Variants in COL26A1 observed in about 807,000 individuals in gnomAD.
COL26A1 encodes the protein collagen type XXVI alpha 1 chain.
A neutral mutation model predicts 59.3 loss-of-function variants in COL26A1; 41 were observed. The ratio of observed to expected loss-of-function variants is 0.69; its 90% CI spans 0.54 to 0.90. The LOEUF is 0.90. Ranked by LOEUF, COL26A1 falls within the 40% of genes least tolerant of loss-of-function variation. The pLI is 0.00. For missense variants in COL26A1, 612 were observed against 602.3 expected (o/e 1.02, Z -0.17); for synonymous variants, 266 against 256.0 (o/e 1.04, Z -0.37).
intron 1 of COL26A1, among the ~76,000 whole-genome samples, chr7:101,402,272 A>G (rs1012820257): frequency 6.6e-6 from 1 of 152,152 alleles, no homozygotes; most frequent in Non-Finnish European, 1.5e-5. Flanking sequence ...CAGCAGTCAC[A>G]TTCCTTAGAT....
intron 10 of COL26A1, among the ~76,000 whole-genome samples, chr7:101,552,889 A>G (rs1177501427): frequency 1.3e-5 from 2 of 152,218 alleles, no homozygotes; most frequent in African/African-American, 4.8e-5. Flanking sequence ...CCTGGGTGAC[A>G]AGAGTGAAAC....
chr7:101,469,701 G>T (rs1025413903), intron 3 of COL26A1, among the ~76,000 whole-genome samples: 7 of 151,984 alleles, frequency 4.6e-5, no homozygotes, highest in African/African-American at 1.7e-4. Context: ...TATTGGCCAG[G>T]TTGGTCTCGA....
chr7:101,412,438 A>G (rs1156287088), intron 1 of COL26A1, among the ~76,000 whole-genome samples: 1 of 152,046 alleles, frequency 6.6e-6, no homozygotes, highest in Non-Finnish European at 1.5e-5. Context: ...TGAGGTCAGG[A>G]GTTTGACACC....
chr7:101,551,237 G>GGGGGGGGGGGGGGGGGGGGGC, intron 10 of COL26A1, 94 bp downstream of exon 10: 6 of 386,366 alleles, frequency 1.6e-5, no homozygotes, highest in Admixed American at 3.5e-5. Context: ...TGGTGGGGGG[G>GGGGGGGGGGGGGGGGGGGGGC]TTCAGCCCTG....
intron 1 of COL26A1, among the ~76,000 whole-genome samples, chr7:101,365,875 A>G (rs1791034473): frequency 6.6e-6 from 1 of 152,084 alleles, no homozygotes; most frequent in African/African-American, 2.4e-5. Context: ...GCAAGAGGTG[A>G]GGACCATGAA....
At chr7:101,451,103 C>A (rs145845237) in intron 3 of COL26A1, among the ~76,000 whole-genome samples, 9 of 101,124 alleles carry the variant, frequency 8.9e-5, no homozygotes, top group Non-Finnish European at 2.0e-4. Context: ...ATATATGATA[C>A]GTATTATATA....
intron 1 of COL26A1, among the ~76,000 whole-genome samples, chr7:101,386,037 C>T (rs950609293): frequency 6.6e-6 from 1 of 152,122 alleles, no homozygotes; most frequent in African/African-American, 2.4e-5. Context: ...GGTTATACCT[C>T]AGAGAAATAG....
At chr7:101,407,486 C>G (rs1792153909) in intron 1 of COL26A1, among the ~76,000 whole-genome samples, 1 of 151,706 alleles carries the variant, frequency 6.6e-6, no homozygotes, top group Non-Finnish European at 1.5e-5. Flanking sequence ...TGACATCAGC[C>G]TCCCCTCCCT....
intron 3 of COL26A1, among the ~76,000 whole-genome samples, chr7:101,463,913 C>CTTTCTTTCTTTTTCTT (rs1554416115): frequency 2.4e-5 from 1 of 41,118 alleles, no homozygotes; most frequent in Non-Finnish European, 7.0e-5. Flanking sequence ...TTTTCTTTCT[C>CTTTCTTTCTTTTTCTT]TCTTTCTTTC....
At chr7:101,446,863 AAGAGAG>A (rs113417824) in intron 2 of COL26A1, among the ~76,000 whole-genome samples, 5,342 of 151,318 alleles carry the variant, frequency 0.035, 140 homozygotes, top group Non-Finnish European at 0.051. Flanking sequence ...AAAAAAAAAA[AAGAGAG>A]AGAGAGAGAA....
chr7:101,408,933 A>G (rs1484947486), intron 1 of COL26A1, among the ~76,000 whole-genome samples: 1 of 152,232 alleles, frequency 6.6e-6, no homozygotes, highest in Non-Finnish European at 1.5e-5. Context: ...TCAAGAAGAC[A>G]GACAGCCACG....
chr7:101,526,836 C>G (rs1002144674), intron 3 of COL26A1, among the ~76,000 whole-genome samples: 1 of 152,164 alleles, frequency 6.6e-6, no homozygotes, highest in Admixed American at 6.5e-5. Context: ...GTGTAAACCC[C>G]CTTTATAGAT....
At chr7:101,457,394 A>G (rs1444448241) in intron 3 of COL26A1, among the ~76,000 whole-genome samples, 1 of 152,244 alleles carries the variant, frequency 6.6e-6, no homozygotes, top group Non-Finnish European at 1.5e-5. Flanking sequence ...ACATTTTAGC[A>G]GAATTCAGGC....
chr7:101,415,921 C>CCATGCCTGGCCAGAAT (rs1470889068), intron 1 of COL26A1, among the ~76,000 whole-genome samples: 1 of 145,716 alleles, frequency 6.9e-6, no homozygotes, highest in African/African-American at 2.4e-5. Context: ...GCGTGAGCCA[C>CCATGCCTGGCCAGAAT]TGCACCCAAC....
intron 3 of COL26A1, among the ~76,000 whole-genome samples, chr7:101,449,353 C>T (rs948585365): frequency 1.3e-5 from 2 of 152,220 alleles, no homozygotes; most frequent in African/African-American, 2.4e-5. Flanking sequence ...TCTGGTCCCC[C>T]CAACGGGATG....
chr7:101,479,123 C>G (rs893922949), intron 3 of COL26A1, among the ~76,000 whole-genome samples: 8 of 152,218 alleles, frequency 5.3e-5, no homozygotes, highest in Non-Finnish European at 1.0e-4. Context: ...AAAATACTTA[C>G]AGTTAATTCT....
chr7:101,551,334 C>A (rs1223868952), intron 10 of COL26A1, among the ~76,000 whole-genome samples, 191 bp downstream of exon 10: 1 of 152,174 alleles, frequency 6.6e-6, no homozygotes, highest in Non-Finnish European at 1.5e-5. Flanking sequence ...GGGAAGCGAC[C>A]TCCAGAGAGT....
intron 4 of COL26A1, 123 bp from the exon 5 acceptor site, chr7:101,539,770 G>A (rs777857974): frequency 4.9e-5 from 48 of 976,958 alleles, no homozygotes; most frequent in Non-Finnish European, 6.4e-5. Context: ...GGAGCGTGAC[G>A]GGGCACACAC....
chr7:101,441,415 G>A (rs550271016), intron 2 of COL26A1, among the ~76,000 whole-genome samples: 1 of 152,254 alleles, frequency 6.6e-6, no homozygotes, highest in Admixed American at 6.5e-5. Flanking sequence ...AGGTTTAAGC[G>A]ATTCTTGTGC....
Sources: allele counts gnomAD v4.1 joint callset (sites outside exome capture counted in the v4.1 genomes callset), GRCh38; gene constraint gnomAD v4.1.1; transcripts MANE v1.5; gene names NCBI Gene and HGNC (gene_info 2026-07-23, HGNC 2026-07-21).